CEP83: variants seen among roughly 807,000 people sequenced by gnomAD.
The protein encoded by CEP83 is centrosomal protein of 83 kDa.
A neutral mutation model predicts 101.9 loss-of-function variants in CEP83; 70 were observed. The observed-to-expected ratio is 0.69, with a 90% CI of 0.57 to 0.84. The LOEUF (loss-of-function observed/expected upper bound fraction) is 0.84. Ranked by LOEUF, CEP83 falls within the 40% of genes least tolerant of loss-of-function variation. CEP83 has a pLI of 0.00. For missense variants in CEP83, 715 were observed against 787.2 expected (o/e 0.91, Z 1.10); for synonymous variants, 264 against 267.9 (o/e 0.99, Z 0.14).
intron 11 of CEP83, among the ~76,000 whole-genome samples, chr12:94,348,991 G>A (rs2060076429): frequency 7.1e-6 from 1 of 140,700 alleles, no homozygotes; most frequent in Admixed American, 7.2e-5. Context: ...AATGCTAAGT[G>A]TTTGTCTAAT....
intron 15 of CEP83, among the ~76,000 whole-genome samples, chr12:94,311,301 TAA>T (rs1400960883): frequency 6.6e-5 from 10 of 152,208 alleles, no homozygotes; most frequent in Admixed American, 2.6e-4. Context: ...ATATATTTTG[TAA>T]TATCCTTTCT....
chr12:94,405,431 G>A (rs1367714786), intron 4 of CEP83, among the ~76,000 whole-genome samples: 1 of 152,178 alleles, frequency 6.6e-6, no homozygotes, highest in Non-Finnish European at 1.5e-5. Flanking sequence ...GAAAAAAGTG[G>A]AAGTGGGTGG....
intron 6 of CEP83, among the ~76,000 whole-genome samples, chr12:94,397,733 T>C (rs1305215810): frequency 6.6e-6 from 1 of 152,224 alleles, no homozygotes; most frequent in Non-Finnish European, 1.5e-5. Flanking sequence ...CACCACTATA[T>C]GAAACCTTAG....
At position 94,382,385 on chromosome 12, in the gene CEP83, TTTTA is replaced by T. The variant is rs2061899007; in HGVS notation, c.550-3347_550-3344del. ...ATTTCCCTCCTTCTGCTTGCTTTAC[TTTTA>T]TTTTGATACTCTTTTTCTAGGTTCT... is the stretch of plus-strand genomic sequence containing the variant. On this transcript the variant is annotated intron_variant, in intron 6 of 16. Coordinates refer to ENST00000397809, the MANE Select transcript of CEP83 (RefSeq NM_016122.3). Among the ~76,000 whole-genome samples, 3 of 151,738 alleles carry T rather than the reference TTTTA, an allele frequency of 2.0e-5. No homozygotes were observed. In the South Asian group the frequency reaches 6.2e-4, roughly 32 times the overall value.
chr12:94,301,089 A>G, the CEP83 span: 1 of 1,600,276 alleles, frequency 6.2e-7, no homozygotes, highest in Non-Finnish European at 8.6e-7. Context: ...TCTTGTATGC[A>G]GTCTTATGAG....
chr12:94,430,599 G>A (rs1460979173), intron 2 of CEP83, among the ~76,000 whole-genome samples: 1 of 152,028 alleles, frequency 6.6e-6, no homozygotes, highest in African/African-American at 2.4e-5. Flanking sequence ...AAAACAGTGA[G>A]CAAAGCCTTT....
intron 7 of CEP83, 43 bp downstream of exon 7, chr12:94,378,748 A>C (rs1422934174): frequency 6.3e-7 from 1 of 1,595,458 alleles, no homozygotes; most frequent in East Asian, 2.2e-5. Context: ...CTGCACTTTA[A>C]AAAAGTATGC....
chr12:94,278,241 T>C, the CEP83 span: 4 of 354,426 alleles, frequency 1.1e-5, no homozygotes, highest in Admixed American at 7.7e-5. Context: ...TTTCACACCA[T>C]ACCCAAGCCT....
At chr12:94,304,224 C>A, downstream of CEP83, 1 of 526,868 alleles carries the variant, frequency 1.9e-6, no homozygotes, top group African/African-American at 1.9e-5. Context: ...TACATGGCTG[C>A]CCCCCTTACA....
At chr12:94,451,062 T>C (rs1007607620) in intron 1 of CEP83, among the ~76,000 whole-genome samples, 7 of 152,208 alleles carry the variant, frequency 4.6e-5, no homozygotes, top group Non-Finnish European at 2.9e-5. Context: ...GCCAATACAA[T>C]TGAAGGGAAA....
chr12:94,326,286 T>C (rs997000601), intron 14 of CEP83, among the ~76,000 whole-genome samples: 1 of 152,194 alleles, frequency 6.6e-6, no homozygotes, highest in African/African-American at 2.4e-5. Context: ...CTGACTTTTA[T>C]CCTTTACAAT....
chr12:94,312,590 G>A (rs1970036657), intron 15 of CEP83: 1 of 985,308 alleles, frequency 1.0e-6, no homozygotes, highest in Admixed American at 6.1e-5. Flanking sequence ...CAAAGTTGTA[G>A]GCACAATTTT....
chr12:94,433,096 G>C (rs918677837), intron 2 of CEP83, among the ~76,000 whole-genome samples: 1 of 152,160 alleles, frequency 6.6e-6, no homozygotes, highest in Non-Finnish European at 1.5e-5. Flanking sequence ...CAGAGGAGAG[G>C]AGAACACCCT....
chr12:94,330,327 G>A (rs934610147), intron 14 of CEP83, among the ~76,000 whole-genome samples: 1 of 151,932 alleles, frequency 6.6e-6, no homozygotes, highest in Non-Finnish European at 1.5e-5. Flanking sequence ...CTCTAATCCT[G>A]TTGAAAAGAT....
At chr12:94,312,075 T>TA (rs376531708) in intron 15 of CEP83, among the ~76,000 whole-genome samples, 37 of 145,776 alleles carry the variant, frequency 2.5e-4, no homozygotes, top group Non-Finnish European at 3.0e-4. Context: ...ACCCCATGTT[T>TA]AAAAAAAAAA....
At chr12:94,350,291 T>G (rs935694191) in intron 11 of CEP83, among the ~76,000 whole-genome samples, 2 of 152,080 alleles carry the variant, frequency 1.3e-5, no homozygotes, top group African/African-American at 4.8e-5. Flanking sequence ...AAGACCAACA[T>G]ATAAGCAACT....
chr12:94,427,073 T>G (rs993433863), intron 2 of CEP83, among the ~76,000 whole-genome samples: 1 of 152,262 alleles, frequency 6.6e-6, no homozygotes, highest in Admixed American at 6.5e-5. Flanking sequence ...TATTTATATT[T>G]ACTTATAAAA....
At chr12:94,334,222 G>A (rs114784931) in intron 12 of CEP83, among the ~76,000 whole-genome samples, 55 of 152,278 alleles carry the variant, frequency 3.6e-4, no homozygotes, top group African/African-American at 1.2e-3. Context: ...CTGGGCAGAA[G>A]AAAGATGCTC....
At chr12:94,447,430 G>C (rs1044820841) in intron 1 of CEP83, among the ~76,000 whole-genome samples, 2 of 152,158 alleles carry the variant, frequency 1.3e-5, no homozygotes, top group Non-Finnish European at 2.9e-5. Flanking sequence ...GCTTGAACTG[G>C]GTAAGCGGTG....
Sources: allele counts gnomAD v4.1 joint callset (sites outside exome capture counted in the v4.1 genomes callset), GRCh38; gene constraint gnomAD v4.1.1; transcripts MANE v1.5; gene names NCBI Gene and HGNC (gene_info 2026-07-23, HGNC 2026-07-21).